Variants in ZNF623 observed in about 807,000 individuals in gnomAD.
The protein encoded by ZNF623 is zinc finger protein 623.
In ZNF623, 16 loss-of-function variants were observed where a neutral mutation model predicts 24.0. The ratio of observed to expected loss-of-function variants is 0.67; its 90% CI spans 0.45 to 1.01. ZNF623 has a LOEUF of 1.01. Among genes scored for constraint, ZNF623 ranks in the 50% least tolerant of loss-of-function variants. The pLI is 0.00. For missense variants in ZNF623, 566 were observed against 606.5 expected (o/e 0.93, Z 0.70); for synonymous variants, 224 against 219.8 (o/e 1.02, Z -0.17).
intron 1 of ZNF623, among the ~76,000 whole-genome samples, chr8:143,640,289 C>CATA (rs1815021022): frequency 6.6e-6 from 1 of 152,218 alleles, no homozygotes; most frequent in Non-Finnish European, 1.5e-5. Context: ...AAGTTGTAAT[C>CATA]ATTTTGCTGA....
intron 1 of ZNF623, among the ~76,000 whole-genome samples, chr8:143,638,340 TA>T (rs11410447): frequency 1.5e-5 from 2 of 136,872 alleles, no homozygotes; most frequent in Non-Finnish European, 3.1e-5. Context: ...GATTCCGTCT[TA>T]AAAAAAAAAA....
rs186948274 is a variant in ZNF623 at position 143,653,485 on chromosome 8, C to G, written c.*2002C>G. On this transcript the variant is annotated 3_prime_UTR_variant, in exon 2 of 2. Transcript: ENST00000526926. ...TTAAGTGTACAAGGTTTTGAAAAAT[C>G]TATACACCTGTGTAACCACCACCAC... The G allele has an allele frequency of 1.2e-5, 2 of 167,184 alleles. No homozygotes were observed. The highest frequency in any genetic ancestry group is 2.9e-5 in the Non-Finnish European group (2 of 68,112). 10.4% of individuals were successfully genotyped at this position (167,184 alleles called of 1,614,324 possible).
intron 1 of ZNF623, among the ~76,000 whole-genome samples, chr8:143,646,407 G>A (rs1436511176): frequency 6.6e-6 from 1 of 152,156 alleles, no homozygotes; most frequent in Non-Finnish European, 1.5e-5. Context: ...AGCAGATATT[G>A]ATGAAATGTA....
rs1193823053 is a variant in ZNF623, at chr8:143,652,948, T to C, written c.*1465T>C. 6.0e-6 allele frequency: 1 copy of C among 166,338 alleles called. No homozygotes were observed. Among genetic ancestry groups the C allele is most frequent in the Non-Finnish European group, 1.5e-5 (1 of 68,000 alleles). 10.3% of individuals were successfully genotyped at this position (166,338 alleles called of 1,614,324 possible). A position where few individuals can be genotyped will look rare whatever the true frequency, so the allele number is the denominator to read the frequency against. ...GGGGAAGACGGAGATCACAGTAGGG[T>C]GAGTTAAGTATGTGCCCTCAGGTGT... On this transcript the variant is annotated 3_prime_UTR_variant, in exon 2 of 2. Coordinates refer to ENST00000526926, the MANE Select transcript of ZNF623 (RefSeq NM_001261843.2).
At chr8:143,642,766 G>A (rs1429582165) in intron 1 of ZNF623, among the ~76,000 whole-genome samples, 1 of 152,158 alleles carries the variant, frequency 6.6e-6, no homozygotes, top group Non-Finnish European at 1.5e-5. Context: ...TGATAATTCA[G>A]CTTCTTATAT....
intron 1 of ZNF623, among the ~76,000 whole-genome samples, chr8:143,645,373 A>G (rs987960946): frequency 1.3e-5 from 2 of 149,812 alleles, no homozygotes; most frequent in South Asian, 2.1e-4. Context: ...CAGAGCCTGC[A>G]GTGAGCTGAG....
intron 1 of ZNF623, among the ~76,000 whole-genome samples, chr8:143,647,865 G>A (rs1815209080): frequency 6.6e-6 from 1 of 152,228 alleles, no homozygotes; most frequent in Non-Finnish European, 1.5e-5. Flanking sequence ...TGGCAGCCCT[G>A]TAGGCTGTGG....
chr8:143,642,185 G>C (rs1243746463), intron 1 of ZNF623, among the ~76,000 whole-genome samples: 1 of 152,204 alleles, frequency 6.6e-6, no homozygotes, highest in Admixed American at 6.5e-5. Context: ...AAAGCTTGCA[G>C]CTTCACCTTG....
chr8:143,639,278 C>T (rs981837085), intron 1 of ZNF623, among the ~76,000 whole-genome samples: 4 of 152,076 alleles, frequency 2.6e-5, no homozygotes, highest in Admixed American at 6.6e-5. Context: ...AGTGCAATGG[C>T]GTGATCTCAG....
In ZNF623 at chr8:143,649,015, C is replaced by A. The variant is rs554151374; in HGVS notation, c.-95-883C>A. The stretch of plus-strand genomic sequence containing the variant: ...TCAGCTGGCTGGATGTGGTGGCTCA[C>A]GTCTGTAATCCCAGCAGTTTGGGAG... On this transcript the variant is annotated intron_variant, in intron 1 of 1. Transcript: ENST00000526926. 3.3e-5 allele frequency among the ~76,000 whole-genome samples: 5 copies of A among 152,118 alleles called. No homozygotes were observed. The East Asian group carries it at 9.7e-4, about 29-fold the overall frequency.
chr8:143,652,255 A>T lies in ZNF623; in HGVS notation c.*772A>T, dbSNP rs766275788. The T allele has an allele frequency of 6.0e-6, 1 of 167,124 alleles. No individual in the cohort carries two copies. The highest frequency in any genetic ancestry group is 1.5e-5 in the Non-Finnish European group (1 of 68,136). The allele number at this position is 167,124 out of a possible 1,614,324, so 10.4% of individuals were successfully genotyped here. A position where few individuals can be genotyped will look rare whatever the true frequency, so the allele number is the denominator to read the frequency against. The stretch of plus-strand genomic sequence containing the variant: ...ATTACTATATTTACTTGCATATGTC[A>T]GAATGATGTGATAGACTATCTCTGT... On this transcript the variant is annotated 3_prime_UTR_variant, in exon 2 of 2. Coordinates refer to ENST00000526926, the MANE Select transcript of ZNF623 (RefSeq NM_001261843.2).
chr8:143,645,746 C>T (rs902203888), intron 1 of ZNF623, among the ~76,000 whole-genome samples: 1 of 152,120 alleles, frequency 6.6e-6, no homozygotes, highest in East Asian at 1.9e-4. Flanking sequence ...CCAGCATGAG[C>T]GAGTTTGGGT....
chr8:143,642,769 T>G (rs966289292), intron 1 of ZNF623, among the ~76,000 whole-genome samples: 3 of 152,220 alleles, frequency 2.0e-5, no homozygotes, highest in East Asian at 1.9e-4. Context: ...TAATTCAGCT[T>G]CTTATATGGG....
At chr8:143,642,335 C>G (rs2131443310) in intron 1 of ZNF623, among the ~76,000 whole-genome samples, 1 of 152,318 alleles carries the variant, frequency 6.6e-6, no homozygotes, top group African/African-American at 2.4e-5. Flanking sequence ...GCTGTGGATT[C>G]AGCTTTGGTT....
chr8:143,638,180 A>C (rs543111957), intron 1 of ZNF623, among the ~76,000 whole-genome samples: 1 of 152,174 alleles, frequency 6.6e-6, no homozygotes, highest in Admixed American at 6.5e-5. Context: ...ATCTCTACTA[A>C]AAGTACAAAA....
At chr8:143,644,034 T>G (rs577106595) in intron 1 of ZNF623, among the ~76,000 whole-genome samples, 1 of 152,238 alleles carries the variant, frequency 6.6e-6, no homozygotes, top group Admixed American at 6.5e-5. Context: ...TGTTTTTTAT[T>G]TTTTGAGATG....
At chr8:143,648,705 T>C (rs531921848) in intron 1 of ZNF623, among the ~76,000 whole-genome samples, 2 of 152,100 alleles carry the variant, frequency 1.3e-5, no homozygotes, top group South Asian at 4.2e-4. Flanking sequence ...AAGTGTTGCC[T>C]TTAAGTCAGA....
rs1815381994 is a variant in ZNF623 at position 143,653,303 on chromosome 8, T to G, written c.*1820T>G. The G allele has an allele frequency of 6.0e-6, 1 of 167,076 alleles. No homozygotes were observed. Among genetic ancestry groups the G allele is most frequent in the African/African-American group, 2.4e-5 (1 of 41,432 alleles). 10.3% of individuals were successfully genotyped at this position (167,076 alleles called of 1,614,324 possible). A position where few individuals can be genotyped will look rare whatever the true frequency, so the allele number is the denominator to read the frequency against. On this transcript the variant is annotated 3_prime_UTR_variant, in exon 2 of 2. Transcript: ENST00000526926. ...TGAGGCCATATTTTGAGTTCTTAAATACTACCAACCCTGAACGTCTCAGGA... is the reference window on the plus strand; with the variant it reads ...TGAGGCCATATTTTGAGTTCTTAAAGACTACCAACCCTGAACGTCTCAGGA...
intron 1 of ZNF623, among the ~76,000 whole-genome samples, chr8:143,639,738 T>G (rs989251689): frequency 1.3e-5 from 2 of 152,246 alleles, no homozygotes; most frequent in African/African-American, 4.8e-5. Context: ...TAGGTTAAAG[T>G]TGCTGTAACA....
Sources: allele counts gnomAD v4.1 joint callset (sites outside exome capture counted in the v4.1 genomes callset), GRCh38; gene constraint gnomAD v4.1.1; transcripts MANE v1.5; gene names NCBI Gene and HGNC (gene_info 2026-07-23, HGNC 2026-07-21).